Variants in CSRNP2 observed in about 807,000 individuals in gnomAD.
CSRNP2 encodes the protein cysteine and serine rich nuclear protein 2, also known as cysteine/serine-rich nuclear protein 2.
CSRNP2 carries 11 observed loss-of-function variants against 36.6 expected under a neutral mutation model. That is an observed-to-expected ratio of 0.30 (90% CI 0.19 to 0.50). The LOEUF (loss-of-function observed/expected upper bound fraction) is 0.50. Ranked by LOEUF, CSRNP2 falls within the 20% of genes least tolerant of loss-of-function variation. The pLI is 0.98. For missense variants in CSRNP2, 483 were observed against 691.4 expected, an observed-to-expected ratio of 0.70 and a Z score of 3.38; for synonymous variants, 248 against 275.3, an observed-to-expected ratio of 0.90 and a Z score of 0.98.
At chr12:51,066,652 A>AC (rs1186884760) in intron 4 of CSRNP2, among the ~76,000 whole-genome samples, 6 of 150,732 alleles carry the variant, frequency 4.0e-5, no homozygotes, top group Admixed American at 1.3e-4. Context: ...AAAAAAAAAA[A>AC]GGGCAGCCAA....
Position 51,063,795 on chromosome 12 carries a change from T to C in CSRNP2, c.1583A>G (p.Glu528Gly). ...GGAAGAATCTTCAGGGGGCCGATCC[T>C]CATTCTGCTGGGAGGTCTTCACCAT... Reference protein sequence around the residue: ...CGMVKTSQQNEDRPPEDSSLE... With the variant: ...CGMVKTSQQNGDRPPEDSSLE... The change falls in exon 5 of 5, where the codon GAG (glutamate) becomes GGG (glycine). Residue 528 changes from glutamate (E) to glycine (G), a missense_variant. Around this residue, in one of 2 missense-constraint regions of CSRNP2, gnomAD observed 277 missense variants for 323.6 expected, o/e 0.86. Transcript: ENST00000228515. 6.3e-7 allele frequency: 1 copy of C among 1,599,760 alleles called. No homozygotes were observed. The highest frequency in any genetic ancestry group is 2.2e-5 in the East Asian group (1 of 44,716).
At chr12:51,074,806 C>T (rs943365529) in intron 2 of CSRNP2, among the ~76,000 whole-genome samples, 1 of 152,060 alleles carries the variant, frequency 6.6e-6, no homozygotes, top group Non-Finnish European at 1.5e-5. Flanking sequence ...GTGGCTCATG[C>T]CTGTAATCCC....
intron 3 of CSRNP2, among the ~76,000 whole-genome samples, chr12:51,069,287 CTTTTT>C (rs71089740): frequency 9.1e-5 from 11 of 121,326 alleles, no homozygotes; most frequent in Admixed American, 7.3e-4. Context: ...CTTCTCCTTT[CTTTTT>C]TTTTTTTTTT....
At chr12:51,082,325 T>C (rs965918736) in intron 1 of CSRNP2, among the ~76,000 whole-genome samples, 2 of 152,160 alleles carry the variant, frequency 1.3e-5, no homozygotes, top group Non-Finnish European at 2.9e-5. Flanking sequence ...ACCCATTCAC[T>C]AACACAAGGT....
chr12:51,067,069 T>C lies in CSRNP2; in HGVS notation c.708+604A>G, dbSNP rs1236537688. On this transcript the variant is annotated intron_variant, in intron 4 of 4. Coordinates refer to ENST00000228515, the MANE Select transcript of CSRNP2 (RefSeq NM_030809.3). The surrounding 1 kb of genome is among the most constrained non-coding windows in gnomAD (Gnocchi z 4.1). ...GGTCTCGAACTCCTGGGAAGCAATCTGCCTGCCTGCCTCGGCCTCCCAAAG... is the reference window on the plus strand; with the variant it reads ...GGTCTCGAACTCCTGGGAAGCAATCCGCCTGCCTGCCTCGGCCTCCCAAAG... Among the ~76,000 whole-genome samples the C allele has an allele frequency of 6.6e-6, 1 of 152,098 alleles. No individual in the cohort carries two copies. Among genetic ancestry groups the C allele is most frequent in the African/African-American group, 2.4e-5 (1 of 41,416 alleles).
At chr12:51,068,057 AC>A in intron 3 of CSRNP2, 88 bp from the exon 4 acceptor site, 2 of 1,256,930 alleles carry the variant, frequency 1.6e-6, no homozygotes, top group Non-Finnish European at 2.3e-6. Flanking sequence ...TGTCCCTTGA[AC>A]CTTCTGCAAT....
rs992340402 is a variant in CSRNP2, at chr12:51,066,241, T to C, written c.708+1432A>G. Among the ~76,000 whole-genome samples, 11 of 149,604 alleles carry C rather than the reference T, an allele frequency of 7.4e-5. No homozygotes were observed. The East Asian group carries it at 2.2e-3, about 30-fold the overall frequency. On this transcript the variant is annotated intron_variant, in intron 4 of 4. Transcript: ENST00000228515. Reference sequence around the variant, plus strand: ...AGGCTGAGGCAGGCGGATCACGAGGTCAAGAGATCGAGACCATCCTGGCCT... The same window carrying C: ...AGGCTGAGGCAGGCGGATCACGAGGCCAAGAGATCGAGACCATCCTGGCCT...
Position 51,064,171 on chromosome 12 carries a change from C to T in CSRNP2, c.1207G>A (p.Ala403Thr). 1 of 1,614,098 alleles carries T rather than the reference C, an allele frequency of 6.2e-7. No homozygotes were observed. Among genetic ancestry groups the T allele is most frequent in the South Asian group, 1.1e-5 (1 of 91,078 alleles). ...TAGGATGGGCTGTTCACCGTTGAGG[C>T]AGTTGGGTGGTCTGAGTTCTCGGTA... is the stretch of plus-strand genomic sequence containing the variant. ...CFTENSDHPT[A>T]STVNSPSYLN... is the part of the protein sequence containing the mutation. Residue 403 changes from alanine (A) to threonine (T), a missense_variant, in exon 5 of 5, where the codon GCC (alanine) becomes ACC (threonine). Ala to Thr is a moderately conservative substitution (Grantham distance 58, BLOSUM62 0). Transcript: ENST00000228515.
In CSRNP2 at chr12:51,067,724, C is replaced by T; in HGVS notation, c.657G>A (p.Leu219=). Reference sequence around the variant, plus strand: ...AGGCACACGCTTCTGGGTCACAATACAGTCGGCAGTCACAACCACATTCTT... The same window carrying T: ...AGGCACACGCTTCTGGGTCACAATATAGTCGGCAGTCACAACCACATTCTT... ...SREECGCDCR[L]YCDPEACACS... is the part of the protein sequence containing the mutation. The change falls in exon 4 of 5, where the codon CTG becomes CTA. Residue 219 remains leucine, a synonymous_variant. Transcript: ENST00000228515. The surrounding 1 kb of genome is among the most constrained non-coding windows in gnomAD (Gnocchi z 4.1). 2 of 1,614,196 alleles carry T rather than the reference C, an allele frequency of 1.2e-6. No individual in the cohort carries two copies.
intron 3 of CSRNP2, among the ~76,000 whole-genome samples, chr12:51,070,753 G>C (rs569735031): frequency 4.6e-5 from 7 of 152,262 alleles, no homozygotes; most frequent in African/African-American, 1.7e-4. Context: ...GCAGCTGCTG[G>C]AACAACCCCA....
intron 1 of CSRNP2, chr12:51,081,470 A>G (rs985848691): frequency 6.6e-6 from 1 of 152,238 alleles, no homozygotes; most frequent in Non-Finnish European, 1.5e-5. Context: ...GCCTGTGTTC[A>G]AGAGATACAC....
intron 1 of CSRNP2, among the ~76,000 whole-genome samples, chr12:51,080,147 GGC>G (rs1939583021): frequency 2.2e-4 from 1 of 4,460 alleles, no homozygotes; most frequent in Non-Finnish European, 4.3e-3. Flanking sequence ...CAGGCAGGCA[GGC>G]AGGCAGGCAG....
chr12:51,068,340 C>T (rs1467134272), intron 3 of CSRNP2, among the ~76,000 whole-genome samples: 1 of 152,080 alleles, frequency 6.6e-6, no homozygotes, highest in Non-Finnish European at 1.5e-5. Flanking sequence ...TCAGTAAAGA[C>T]AGGGTTTCAC....
intron 1 of CSRNP2, among the ~76,000 whole-genome samples, chr12:51,082,180 C>T (rs1112391): frequency 0.73 from 111,101 of 152,112 alleles, 41,610 homozygotes; most frequent in Non-Finnish European, 0.82. Context: ...TCTCATATAC[C>T]ATGAATTTCA....
At chr12:51,082,881 T>TC (rs1173472006) in intron 1 of CSRNP2, 1 of 152,226 alleles carries the variant, frequency 6.6e-6, no homozygotes, top group Non-Finnish European at 1.5e-5. Flanking sequence ...CTGCTAACCT[T>TC]CCCGCTCATT....
chr12:51,064,711 A>G, intron 4 of CSRNP2, 42 bp from the exon 5 acceptor site: 4 of 1,468,002 alleles, frequency 2.7e-6, no homozygotes, highest in Admixed American at 2.3e-5. Flanking sequence ...GAGACCTACA[A>G]TCCTAACAAT....
chr12:51,065,577 C>G (rs1938101445), intron 4 of CSRNP2, among the ~76,000 whole-genome samples: 1 of 152,012 alleles, frequency 6.6e-6, no homozygotes. Flanking sequence ...CTCACTGCAG[C>G]CTGGAGCCAT....
intron 1 of CSRNP2, among the ~76,000 whole-genome samples, chr12:51,077,425 G>A (rs1197207801): frequency 6.6e-6 from 1 of 152,198 alleles, no homozygotes; most frequent in Non-Finnish European, 1.5e-5. Context: ...AAGGCTGAGA[G>A]AACACAGAAT....
Position 51,062,122 on chromosome 12 carries a change from C to G in CSRNP2, c.*1624G>C, listed in dbSNP as rs1416717435. 6.6e-6 allele frequency: 1 copy of G among 152,132 alleles called. No homozygotes were observed. Among genetic ancestry groups the G allele is most frequent in the African/African-American group, 2.4e-5 (1 of 41,426 alleles). 9.4% of individuals were successfully genotyped at this position (152,132 alleles called of 1,614,324 possible). The stretch of plus-strand genomic sequence containing the variant: ...AATGTTATGTGTATTAAATACAAAT[C>G]TTTTCAGGCTCAGAGTTTAGAGACT... On this transcript the variant is annotated 3_prime_UTR_variant, in exon 5 of 5. Transcript: ENST00000228515.
Sources: gnomAD v4.1 joint callset for allele counts (sites outside exome capture counted in the v4.1 genomes callset) on GRCh38, gnomAD v4.1.1 for gene constraint, gnomAD v4.1.1 regional missense constraint, Gnocchi (gnomAD v3.1) non-coding constraint, MANE v1.5 for transcripts, NCBI Gene and HGNC (gene_info 2026-07-23, HGNC 2026-07-21) for gene names.